Variants in BTG4 observed in about 807,000 individuals in gnomAD.
BTG4 encodes protein BTG4.
BTG4 carries 10 observed loss-of-function variants against 19.3 expected under a neutral mutation model. The ratio of observed to expected loss-of-function variants is 0.52; its 90% CI spans 0.32 to 0.88. The LOEUF is 0.88. Among genes scored for constraint, BTG4 ranks in the 40% least tolerant of loss-of-function variants. BTG4 has a pLI of 0.04. For synonymous variants in BTG4, 91 were observed against 95.7 expected (o/e 0.95, Z 0.29); for missense variants, 238 against 281.9 (o/e 0.84, Z 1.11).
At chr11:111,416,792 T>G in the BTG4 span, 1 of 152,244 alleles carries the variant, frequency 6.6e-6, no homozygotes, top group Admixed American at 6.5e-5. Flanking sequence ...TTAGTAGGAC[T>G]GAATGAGATA....
chr11:111,478,515 A>C (rs1220797104), intron 5 of BTG4, among the ~76,000 whole-genome samples: 1 of 152,180 alleles, frequency 6.6e-6, no homozygotes. Context: ...AAACCTAATC[A>C]ACAGATTACA....
Position 111,498,117 on chromosome 11 carries a change from G to A in BTG4, c.192C>T (p.Asn64=), listed in dbSNP as rs1325035145. Residue 64 remains asparagine (N), a synonymous_variant, in exon 3 of 5, where the codon AAC becomes AAT. Transcript: ENST00000692032. ...CTAGAATGGGATCTTTATTCTGATT[G>A]TTGTTTATCCTGATGCACCTTTTTA... ...GQAFRCIRIN[N]NQNKDPILER... is the part of the protein sequence containing the mutation. 6.8e-6 allele frequency: 11 copies of A among 1,613,862 alleles called. No homozygotes were observed. Among genetic ancestry groups the A allele is most frequent in the Non-Finnish European group, 8.5e-6 (10 of 1,179,968 alleles).
chr11:111,445,093 G>A, the BTG4 span, among the ~76,000 whole-genome samples: 1 of 152,208 alleles, frequency 6.6e-6, no homozygotes, highest in Non-Finnish European at 1.5e-5. Flanking sequence ...ACCGTGCTAA[G>A]GTTAAGGTTG....
At chr11:111,491,669 A>T (rs926138700), downstream of BTG4, among the ~76,000 whole-genome samples, 2 of 149,470 alleles carry the variant, frequency 1.3e-5, no homozygotes, top group African/African-American at 4.9e-5. Context: ...CAGGGAGTCA[A>T]GGCTGCAGTG....
chr11:111,401,477 G>A, the BTG4 span, among the ~76,000 whole-genome samples: 7 of 126,226 alleles, frequency 5.5e-5, no homozygotes, highest in South Asian at 4.5e-4. Flanking sequence ...GCGAGACTCC[G>A]TCTCAAAAAA....
chr11:111,464,717 G>T (rs1487757897), downstream of BTG4: 1 of 152,180 alleles, frequency 6.6e-6, no homozygotes, highest in Admixed American at 6.5e-5. Flanking sequence ...ATTCTCATGG[G>T]GGGCACTGAA....
the BTG4 span, among the ~76,000 whole-genome samples, chr11:111,419,689 C>T: frequency 2.0e-5 from 3 of 152,246 alleles, no homozygotes; most frequent in Non-Finnish European, 4.4e-5. Context: ...GTACCAGCAG[C>T]GGGTCTCTGA....
At chr11:111,404,285 G>T in the BTG4 span, among the ~76,000 whole-genome samples, 6 of 152,244 alleles carry the variant, frequency 3.9e-5, no homozygotes, top group Middle Eastern at 3.4e-3. Context: ...CCAGCCTCGG[G>T]TATGTCTTTA....
At chr11:111,388,219 A>G in the BTG4 span, among the ~76,000 whole-genome samples, 3 of 152,062 alleles carry the variant, frequency 2.0e-5, no homozygotes, top group Non-Finnish European at 4.4e-5. Context: ...CTATAAAGAG[A>G]TATTCTTTGG....
At chr11:111,453,730 G>A in the BTG4 span, 1 of 355,278 alleles carries the variant, frequency 2.8e-6, no homozygotes. Context: ...TTTCTGAGTG[G>A]TACTGTATGT....
At chr11:111,418,508 T>C in the BTG4 span, among the ~76,000 whole-genome samples, 3 of 152,320 alleles carry the variant, frequency 2.0e-5, no homozygotes, top group Admixed American at 6.5e-5. Context: ...TGCAGTGAAG[T>C]GATCCTCATG....
the BTG4 span, among the ~76,000 whole-genome samples, chr11:111,424,462 T>C: frequency 6.6e-6 from 1 of 152,240 alleles, no homozygotes; most frequent in Non-Finnish European, 1.5e-5. Context: ...TAATTTTTGC[T>C]GTAAGATGAC....
intron 5 of BTG4, among the ~76,000 whole-genome samples, chr11:111,479,498 G>T (rs1191570767): frequency 6.6e-6 from 1 of 151,966 alleles, no homozygotes; most frequent in Non-Finnish European, 1.5e-5. Context: ...TAAAAGAATG[G>T]CTAAATGAAG....
At chr11:111,509,911 C>CTTTTTTTTTT (rs1450409427) in intron 1 of BTG4, among the ~76,000 whole-genome samples, 8 of 114,726 alleles carry the variant, frequency 7.0e-5, no homozygotes, top group Non-Finnish European at 1.3e-4. Context: ...TTTCTTTTTT[C>CTTTTTTTTTT]TTTTTTTTTT....
At chr11:111,407,685 A>G in the BTG4 span, among the ~76,000 whole-genome samples, 1 of 152,198 alleles carries the variant, frequency 6.6e-6, no homozygotes, top group Admixed American at 6.5e-5. Context: ...ATAAAAGCAT[A>G]ATAGTCACTA....
chr11:111,495,427 T>C (rs1591511578), intron 4 of BTG4, 113 bp from the exon 5 acceptor site: 2 of 892,914 alleles, frequency 2.2e-6, no homozygotes, highest in Non-Finnish European at 3.4e-6. Flanking sequence ...ATGAATAGAA[T>C]TGAAAGTGCA....
At chr11:111,426,065 T>C in the BTG4 span, among the ~76,000 whole-genome samples, 1 of 152,076 alleles carries the variant, frequency 6.6e-6, no homozygotes, top group Non-Finnish European at 1.5e-5. Flanking sequence ...TGACCTGGGC[T>C]CTAGTGCCTA....
At chr11:111,454,796 C>T in the BTG4 span, among the ~76,000 whole-genome samples, 1 of 149,348 alleles carries the variant, frequency 6.7e-6, no homozygotes, top group Non-Finnish European at 1.5e-5. Flanking sequence ...CAGTGTCTGT[C>T]CTCATTCACT....
In BTG4 at chr11:111,498,610, G is replaced by C. The variant is rs139833383; in HGVS notation, c.167C>G (p.Ala56Gly). 7.6e-5 allele frequency: 123 copies of C among 1,612,394 alleles called. No homozygotes were observed. Among genetic ancestry groups the C allele is most frequent in the East Asian group, 1.1e-4 (5 of 44,846 alleles). The change falls in exon 2 of 5, where the codon GCC becomes GGC. Residue 56 changes from alanine to glycine, a missense_variant. By Grantham distance (60) the Ala-to-Gly change is moderately conservative. Coordinates refer to ENST00000692032, the MANE Select transcript of BTG4 (RefSeq NM_001367975.1). ...CCCACATACTAGCTCTCACCTGAAG[G>C]CTTGCCCTTTAGAAGGGCAATCAGA... Reference protein sequence around the residue: ...WHSDCPSKGQAFRCIRINNNQ... With the variant: ...WHSDCPSKGQGFRCIRINNNQ...
Sources: gnomAD v4.1 joint callset for allele counts (sites outside exome capture counted in the v4.1 genomes callset) on GRCh38, gnomAD v4.1.1 for gene constraint, MANE v1.5 for transcripts, NCBI Gene and HGNC (gene_info 2026-07-23, HGNC 2026-07-21) for gene names.